Variants in DNM3 observed in about 807,000 individuals in gnomAD.
DNM3 encodes the protein dynamin-3.
Under a neutral mutation model 101.6 loss-of-function variants are expected in DNM3, and 47 were observed. The observed-to-expected ratio is 0.46, with a 90% CI of 0.37 to 0.59. The LOEUF (loss-of-function observed/expected upper bound fraction) is 0.59, where lower values mean the gene tolerates loss of function less well. DNM3 is among the 20% of genes least tolerant of loss of function. DNM3 has a pLI of 0.00. For missense variants in DNM3, 849 were observed against 1,085.7 expected (o/e 0.78, Z 3.06); for synonymous variants, 385 against 387.9 (o/e 0.99, Z 0.09).
chr1:172,336,905 G>A (rs116494538), intron 17 of DNM3, among the ~76,000 whole-genome samples: 117 of 152,286 alleles, frequency 7.7e-4, no homozygotes, highest in African/African-American at 2.8e-3. Flanking sequence ...GGAGCTTGAT[G>A]ACAATCTACC....
intron 20 of DNM3, among the ~76,000 whole-genome samples, chr1:172,397,518 A>G (rs1228405436): frequency 1.3e-5 from 2 of 152,202 alleles, no homozygotes; most frequent in Non-Finnish European, 2.9e-5. Flanking sequence ...AGTGTTCTAC[A>G]GTTCAGTTCG....
chr1:172,134,342 G>A (rs916715389), intron 14 of DNM3, among the ~76,000 whole-genome samples: 31 of 152,130 alleles, frequency 2.0e-4, no homozygotes, highest in Non-Finnish European at 3.8e-4. Flanking sequence ...TGACTAGGGG[G>A]AATGCTACTT....
At chr1:171,847,101 T>A (rs2032232360) in intron 1 of DNM3, among the ~76,000 whole-genome samples, 1 of 152,134 alleles carries the variant, frequency 6.6e-6, no homozygotes, top group African/African-American at 2.4e-5. Flanking sequence ...AGTTCTAAGT[T>A]TACTGGGTAA....
intron 14 of DNM3, among the ~76,000 whole-genome samples, chr1:172,219,350 C>A (rs548897890): frequency 2.2e-5 from 3 of 135,888 alleles, no homozygotes; most frequent in East Asian, 2.2e-4. Context: ...TGCACTCCAG[C>A]CTGGGTGACA....
At chr1:172,355,752 T>C (rs2067422520) in intron 17 of DNM3, among the ~76,000 whole-genome samples, 1 of 152,082 alleles carries the variant, frequency 6.6e-6, no homozygotes, top group African/African-American at 2.4e-5. Context: ...GATGGAAAGA[T>C]AGGAATGTAT....
At chr1:172,382,995 A>G (rs2068998900) in intron 18 of DNM3, among the ~76,000 whole-genome samples, 2 of 152,270 alleles carry the variant, frequency 1.3e-5, no homozygotes, top group South Asian at 4.1e-4. Context: ...TTTAATGCGT[A>G]TGAAGTAAAG....
chr1:172,145,224 C>A (rs565564133), intron 14 of DNM3, among the ~76,000 whole-genome samples: 3 of 152,136 alleles, frequency 2.0e-5, no homozygotes, highest in African/African-American at 7.2e-5. Flanking sequence ...AGGCAGAGCT[C>A]ATTTGGAAAC....
chr1:172,363,122 C>T (rs2149014894), intron 17 of DNM3, among the ~76,000 whole-genome samples: 1 of 151,978 alleles, frequency 6.6e-6, no homozygotes, highest in African/African-American at 2.4e-5. Flanking sequence ...AGTACTCACA[C>T]TAGGCCAGGC....
Position 171,884,306 on chromosome 1 carries a change from A to G in DNM3, c.162-37442A>G, listed in dbSNP as rs577446324. Reference sequence around the variant, plus strand: ...GGTTCTTTTTATCAGAATAAAGACTAGGCATCATCTCCTCTATGAACTTTT... The same window carrying G: ...GGTTCTTTTTATCAGAATAAAGACTGGGCATCATCTCCTCTATGAACTTTT... On this transcript the variant is annotated intron_variant, in intron 1 of 20. Coordinates refer to ENST00000627582, the MANE Select transcript of DNM3 (RefSeq NM_015569.5). 1.5e-3 allele frequency among the ~76,000 whole-genome samples: 228 copies of G among 152,322 alleles called. 1 individual carries two copies. The highest frequency in any genetic ancestry group is 0.01 in the Middle Eastern group (3 of 294).
At chr1:171,981,287 A>C (rs929305237) in intron 2 of DNM3, among the ~76,000 whole-genome samples, 1 of 152,236 alleles carries the variant, frequency 6.6e-6, no homozygotes, top group Non-Finnish European at 1.5e-5. Flanking sequence ...TTGCTATTAA[A>C]ACATTTCAGA....
At chr1:171,844,919 AT>A (rs1440301072) in intron 1 of DNM3, among the ~76,000 whole-genome samples, 1 of 152,206 alleles carries the variant, frequency 6.6e-6, no homozygotes. Flanking sequence ...AATGGTTAAC[AT>A]TTATAGAGTG....
At chr1:172,121,166 A>G (rs1173478681) in intron 13 of DNM3, among the ~76,000 whole-genome samples, 2 of 152,196 alleles carry the variant, frequency 1.3e-5, no homozygotes, top group Non-Finnish European at 2.9e-5. Context: ...TGGAGGGCCT[A>G]TTAACTTCAA....
chr1:171,923,822 T>G (rs1278714010), intron 2 of DNM3, among the ~76,000 whole-genome samples: 1 of 152,196 alleles, frequency 6.6e-6, no homozygotes, highest in Non-Finnish European at 1.5e-5. Flanking sequence ...ATTTCAACCT[T>G]CACCCCTCTT....
At chr1:172,366,138 T>C (rs2068005521) in intron 17 of DNM3, among the ~76,000 whole-genome samples, 1 of 151,818 alleles carries the variant, frequency 6.6e-6, no homozygotes, top group Non-Finnish European at 1.5e-5. Flanking sequence ...GAAGTTGAGG[T>C]AGGAGCATTA....
intron 2 of DNM3, among the ~76,000 whole-genome samples, chr1:171,939,150 C>T (rs1240638444): frequency 6.6e-6 from 1 of 151,994 alleles, no homozygotes; most frequent in African/African-American, 2.4e-5. Flanking sequence ...ATGTACCTTC[C>T]AATATTGAGA....
At chr1:172,269,481 A>G (rs2063000003) in intron 15 of DNM3, among the ~76,000 whole-genome samples, 1 of 152,178 alleles carries the variant, frequency 6.6e-6, no homozygotes, top group African/African-American at 2.4e-5. Context: ...CAATTCTAAG[A>G]GACATGCTTT....
At chr1:171,974,346 A>G (rs919432316) in intron 2 of DNM3, among the ~76,000 whole-genome samples, 15 of 152,106 alleles carry the variant, frequency 9.9e-5, no homozygotes, top group Middle Eastern at 3.2e-3. Flanking sequence ...TTTTTTTCTC[A>G]TATATTTTTC....
chr1:171,873,307 A>T (rs141751455), intron 1 of DNM3, among the ~76,000 whole-genome samples: 1 of 152,262 alleles, frequency 6.6e-6, no homozygotes, highest in African/African-American at 2.4e-5. Context: ...TGTTAGCTAT[A>T]AAATATTACT....
Position 172,371,581 on chromosome 1 carries a change from C to T in DNM3, c.1894-7437C>T, listed in dbSNP as rs577769021. Among the ~76,000 whole-genome samples, 555 of 152,014 alleles carry T rather than the reference C, an allele frequency of 3.7e-3. 2 individuals carry two copies. The highest frequency in any genetic ancestry group is 5.9e-3 in the Non-Finnish European group (401 of 67,908). On this transcript the variant is annotated intron_variant, in intron 17 of 20. Transcript: ENST00000627582. ...ATTATTCTCACTTGGTGATATCACA[C>T]CTGCCCTGTCCTATAAAATGTATAA...
Sources: allele counts gnomAD v4.1 joint callset (sites outside exome capture counted in the v4.1 genomes callset), GRCh38; gene constraint gnomAD v4.1.1; transcripts MANE v1.5; gene names NCBI Gene and HGNC (gene_info 2026-07-23, HGNC 2026-07-21).